CDC42SE2: variants seen among roughly 807,000 people sequenced by gnomAD.
The protein encoded by CDC42SE2 is CDC42 small effector 2.
In CDC42SE2, 3 loss-of-function variants were observed where a neutral mutation model predicts 11.5. The observed-to-expected ratio is 0.26, with a 90% CI of 0.12 to 0.67. CDC42SE2 has a LOEUF of 0.67. CDC42SE2 is among the 30% of genes least tolerant of loss of function. The pLI is 0.80. For synonymous variants in CDC42SE2, 33 were observed against 34.8 expected (o/e 0.95, Z 0.18); for missense variants, 82 against 106.8 (o/e 0.77, Z 1.02).
the CDC42SE2 span, among the ~76,000 whole-genome samples, chr5:131,216,790 G>A: frequency 1.3e-5 from 2 of 152,074 alleles, no homozygotes; most frequent in African/African-American, 4.8e-5. Flanking sequence ...ACTCCTTCAA[G>A]AAATCTATTC....
At chr5:131,355,702 A>T (rs1749520127) in intron 2 of CDC42SE2, among the ~76,000 whole-genome samples, 3 of 137,562 alleles carry the variant, frequency 2.2e-5, no homozygotes, top group Non-Finnish European at 3.1e-5. Context: ...ATTTTAGATT[A>T]AAAAAAAAAA....
the CDC42SE2 span, among the ~76,000 whole-genome samples, chr5:131,227,022 AAAG>A: frequency 6.6e-6 from 1 of 152,256 alleles, no homozygotes. Flanking sequence ...AATATAAAAT[AAAG>A]AAGACCAATG....
At chr5:131,308,882 C>G (rs1227354462) in intron 1 of CDC42SE2, among the ~76,000 whole-genome samples, 9 of 152,084 alleles carry the variant, frequency 5.9e-5, no homozygotes, top group Non-Finnish European at 1.3e-4. Flanking sequence ...ACAATCATGT[C>G]ATCTGCAAAC....
intron 1 of CDC42SE2, among the ~76,000 whole-genome samples, chr5:131,303,849 T>C (rs1757730332): frequency 6.6e-6 from 1 of 152,200 alleles, no homozygotes; most frequent in South Asian, 2.1e-4. Flanking sequence ...TTAATTTCTT[T>C]AAAAATGCAT....
chr5:131,285,658 A>G (rs927123072), intron 1 of CDC42SE2, among the ~76,000 whole-genome samples: 1 of 152,198 alleles, frequency 6.6e-6, no homozygotes, highest in South Asian at 2.1e-4. Flanking sequence ...AGGCAGAAAG[A>G]TATCTTATGG....
chr5:131,286,048 CTTTTT>C (rs66827141), intron 1 of CDC42SE2, among the ~76,000 whole-genome samples: 2 of 127,242 alleles, frequency 1.6e-5, no homozygotes. Context: ...GGAAATGTAG[CTTTTT>C]TTTTTTTTTT....
At chr5:131,335,994 A>C (rs982367841) in intron 2 of CDC42SE2, among the ~76,000 whole-genome samples, 9 of 152,118 alleles carry the variant, frequency 5.9e-5, no homozygotes, top group Non-Finnish European at 1.2e-4. Flanking sequence ...GTTACGTGTG[A>C]GTTTGATCCT....
At chr5:131,339,220 C>T (rs1247052647) in intron 2 of CDC42SE2, among the ~76,000 whole-genome samples, 1 of 114,774 alleles carries the variant, frequency 8.7e-6, no homozygotes, top group Non-Finnish European at 1.6e-5. Flanking sequence ...TGCACTCCAG[C>T]GTGGTGACAG....
chr5:131,361,311 C>T (rs1749701599), intron 3 of CDC42SE2, among the ~76,000 whole-genome samples: 1 of 152,080 alleles, frequency 6.6e-6, no homozygotes, highest in African/African-American at 2.4e-5. Flanking sequence ...AGTTATGAGA[C>T]ATCAGAAATA....
Position 131,385,523 on chromosome 5 carries a change from A to T in CDC42SE2, c.55-20A>T. The stretch of plus-strand genomic sequence containing the variant: ...GCTCATAAGATCACTTTCTCAACAC[A>T]TTTGTTCCCCATATTTTAGAAAAGG... On this transcript the variant is annotated intron_variant, in intron 3 of 4. Coordinates refer to ENST00000505065, the MANE Select transcript of CDC42SE2 (RefSeq NM_001375635.1). 5.1e-6 allele frequency: 8 copies of T among 1,571,400 alleles called. No homozygotes were observed. The highest frequency in any genetic ancestry group is 7.0e-6 in the Non-Finnish European group (8 of 1,142,076).
At chr5:131,364,708 A>G (rs1749804856) in intron 3 of CDC42SE2, among the ~76,000 whole-genome samples, 1 of 152,186 alleles carries the variant, frequency 6.6e-6, no homozygotes, top group African/African-American at 2.4e-5. Flanking sequence ...TCTGGAGTTG[A>G]GTATGGAATA....
At chr5:131,325,707 A>G (rs1323402595) in intron 2 of CDC42SE2, among the ~76,000 whole-genome samples, 3 of 152,210 alleles carry the variant, frequency 2.0e-5, no homozygotes, top group African/African-American at 7.2e-5. Flanking sequence ...ATCTCATGTT[A>G]TATGATCAGT....
intron 2 of CDC42SE2, among the ~76,000 whole-genome samples, chr5:131,333,482 A>T (rs1012612605): frequency 6.6e-6 from 1 of 152,150 alleles, no homozygotes. Flanking sequence ...ACTTGAAAGT[A>T]GTTTTTTCCA....
intron 3 of CDC42SE2, among the ~76,000 whole-genome samples, chr5:131,364,138 T>C (rs1410211425): frequency 1.3e-5 from 2 of 152,312 alleles, no homozygotes; most frequent in South Asian, 2.1e-4. Flanking sequence ...TGTCTCACTT[T>C]AGTGGAGGAC....
chr5:131,295,296 C>A (rs765384129), intron 1 of CDC42SE2, among the ~76,000 whole-genome samples: 24 of 150,494 alleles, frequency 1.6e-4, no homozygotes, highest in Middle Eastern at 3.2e-3. Flanking sequence ...AAAAACCAAA[C>A]CAAAACAAAA....
At chr5:131,299,485 C>T (rs564390557) in intron 1 of CDC42SE2, among the ~76,000 whole-genome samples, 58 of 152,112 alleles carry the variant, frequency 3.8e-4, no homozygotes, top group African/African-American at 1.3e-3. Flanking sequence ...TTTCTGGCTT[C>T]GTAAACTGGG....
At chr5:131,381,228 A>G (rs753551600) in intron 3 of CDC42SE2, among the ~76,000 whole-genome samples, 11 of 151,354 alleles carry the variant, frequency 7.3e-5, no homozygotes, top group Non-Finnish European at 1.6e-4. Flanking sequence ...TGAATTGCAC[A>G]CTCTCTGCTG....
intron 1 of CDC42SE2, among the ~76,000 whole-genome samples, chr5:131,286,737 T>C (rs1339484807): frequency 1.3e-5 from 2 of 151,990 alleles, no homozygotes; most frequent in South Asian, 2.1e-4. Context: ...AGTAATTATA[T>C]TTTCTCTTCT....
chr5:131,305,588 C>T (rs950381092), intron 1 of CDC42SE2, among the ~76,000 whole-genome samples: 1 of 152,070 alleles, frequency 6.6e-6, no homozygotes, highest in African/African-American at 2.4e-5. Flanking sequence ...GGGTCCTTTG[C>T]CCGTTTTTTG....
Sources: allele counts gnomAD v4.1 joint callset (sites outside exome capture counted in the v4.1 genomes callset), GRCh38; gene constraint gnomAD v4.1.1; transcripts MANE v1.5; gene names NCBI Gene and HGNC (gene_info 2026-07-23, HGNC 2026-07-21).